Variants in NCOA2 observed in about 807,000 individuals in gnomAD.
The protein encoded by NCOA2 is nuclear receptor coactivator 2.
In NCOA2, 21 loss-of-function variants were observed where a neutral mutation model predicts 145.1. The observed-to-expected ratio is 0.14, with a 90% CI of 0.10 to 0.21. The LOEUF is 0.21. NCOA2 is among the 10% of genes least tolerant of loss of function. The pLI is 1.00. For missense variants in NCOA2, 1,472 were observed against 1,837.6 expected (o/e 0.80, Z 3.64); for synonymous variants, 619 against 637.5 (o/e 0.97, Z 0.44).
chr8:70,343,678 G>C (rs1179801549), intron 1 of NCOA2, among the ~76,000 whole-genome samples: 2 of 151,970 alleles, frequency 1.3e-5, no homozygotes, highest in Non-Finnish European at 2.9e-5. Flanking sequence ...GCCAGGCATG[G>C]TGGCGGGTGC....
At chr8:70,205,234 C>T (rs1250268361) in intron 4 of NCOA2, among the ~76,000 whole-genome samples, 1 of 151,796 alleles carries the variant, frequency 6.6e-6, no homozygotes, top group Non-Finnish European at 1.5e-5. Context: ...TGAGATAGGC[C>T]TTGAAGAATG....
the NCOA2 span, among the ~76,000 whole-genome samples, chr8:70,451,299 T>C: frequency 7.2e-6 from 1 of 138,292 alleles, no homozygotes; most frequent in Admixed American, 7.4e-5. Flanking sequence ...TCCCAGCTAG[T>C]CGGGAGGCTA....
chr8:70,150,503 C>T (rs1207228895), intron 11 of NCOA2, among the ~76,000 whole-genome samples: 1 of 152,144 alleles, frequency 6.6e-6, no homozygotes, highest in Non-Finnish European at 1.5e-5. Context: ...GAACCAAAAC[C>T]CAGCAAAGTC....
chr8:70,116,615 G>A (rs949539012), intron 22 of NCOA2, among the ~76,000 whole-genome samples: 3 of 152,132 alleles, frequency 2.0e-5, no homozygotes, highest in South Asian at 2.1e-4. Context: ...ACGGAAACAC[G>A]GGATGATGAC....
At chr8:70,185,367 T>C (rs562394340) in intron 4 of NCOA2, among the ~76,000 whole-genome samples, 1 of 152,336 alleles carries the variant, frequency 6.6e-6, no homozygotes, top group South Asian at 2.1e-4. Flanking sequence ...TAAAACATTA[T>C]GCTAAATCAT....
At chr8:70,405,437 G>GTTTTTTTTTTTTTTTTTTTT (rs34814735), upstream of NCOA2, among the ~76,000 whole-genome samples, 8 of 59,388 alleles carry the variant, frequency 1.3e-4, 2 homozygotes, top group African/African-American at 3.0e-4. Flanking sequence ...ATTTTTAAAG[G>GTTTTTTTTTTTTTTTTTTTT]TTTTTTTTTT....
the NCOA2 span, among the ~76,000 whole-genome samples, chr8:70,422,531 C>T: frequency 1.3e-5 from 2 of 152,072 alleles, no homozygotes; most frequent in African/African-American, 4.8e-5. Context: ...CCACCTCAGC[C>T]TCCCAAGTAG....
chr8:70,166,341 G>A, intron 7 of NCOA2, among the ~76,000 whole-genome samples: 1 of 152,230 alleles, frequency 6.6e-6, no homozygotes, highest in East Asian at 1.9e-4. Flanking sequence ...GCTAGTGGCT[G>A]CCACACCAGA....
At chr8:70,366,311 AAG>A (rs1810683072) in intron 1 of NCOA2, among the ~76,000 whole-genome samples, 4 of 152,296 alleles carry the variant, frequency 2.6e-5, no homozygotes, top group Admixed American at 2.0e-4. Context: ...CAACTGTTAA[AAG>A]AGGGGGGAAA....
chr8:70,141,463 C>T, intron 13 of NCOA2, 64 bp from the exon 14 acceptor site: 4 of 1,379,698 alleles, frequency 2.9e-6, no homozygotes, highest in Non-Finnish European at 4.1e-6. Context: ...CATGTATGAA[C>T]ACCAGATGAT....
chr8:70,157,635 T>TTA (rs1812435670), intron 10 of NCOA2, among the ~76,000 whole-genome samples: 1 of 152,162 alleles, frequency 6.6e-6, no homozygotes, highest in African/African-American at 2.4e-5. Flanking sequence ...TTTCCAGAGA[T>TTA]TATAATTCCT....
chr8:70,143,203 C>T (rs751867081), intron 13 of NCOA2, among the ~76,000 whole-genome samples: 9 of 152,140 alleles, frequency 5.9e-5, no homozygotes, highest in Non-Finnish European at 1.3e-4. Context: ...CCGCCTTGGC[C>T]TCCCAAAGTG....
chr8:70,128,773 G>A lies in NCOA2; in HGVS notation c.3532C>T (p.Pro1178Ser). The change falls in exon 17 of 23, where the codon CCC becomes TCC. Residue 1178 changes from proline to serine, a missense_variant. Coordinates refer to ENST00000452400, the MANE Select transcript of NCOA2 (RefSeq NM_006540.4). ...LRMQPRPGLR[P>S]TGLVQNQPNQ... Reference sequence around the variant, plus strand: ...GGCTGGTTCTGCACTAGGCCCGTGGGCCTGAGGCCCGGTCTGGGCTGCATA... The same window carrying A: ...GGCTGGTTCTGCACTAGGCCCGTGGACCTGAGGCCCGGTCTGGGCTGCATA... The A allele has an allele frequency of 6.2e-7, 1 of 1,614,064 alleles. No individual in the cohort carries two copies. The highest frequency in any genetic ancestry group is 8.5e-7 in the Non-Finnish European group (1 of 1,179,902).
intron 1 of NCOA2, among the ~76,000 whole-genome samples, chr8:70,320,844 G>GTT (rs1291756300): frequency 6.6e-6 from 1 of 152,126 alleles, no homozygotes; most frequent in African/African-American, 2.4e-5. Context: ...TGTTTTATCA[G>GTT]TATGATTCAC....
intron 1 of NCOA2, among the ~76,000 whole-genome samples, chr8:70,309,806 T>C (rs1828167952): frequency 6.6e-6 from 1 of 151,286 alleles, no homozygotes; most frequent in Non-Finnish European, 1.5e-5. Context: ...AACAAGAAAT[T>C]AGCTGAGTGT....
chr8:70,290,839 G>A (rs2054293), intron 2 of NCOA2, among the ~76,000 whole-genome samples: 10,278 of 151,984 alleles, frequency 0.068, 1,163 homozygotes, highest in African/African-American at 0.24. Flanking sequence ...TAAGGTGTTT[G>A]ATGGAAACAG....
intron 1 of NCOA2, among the ~76,000 whole-genome samples, chr8:70,301,483 C>T (rs1265524508): frequency 1.3e-5 from 2 of 151,204 alleles, no homozygotes; most frequent in East Asian, 1.9e-4. Context: ...GGTAAAACCC[C>T]GTCTCCAAAA....
At position 70,144,751 on chromosome 8, in the gene NCOA2, A is replaced by T. The variant is rs751752020; in HGVS notation, c.2703T>A (p.Pro901=). ...ITLQSPTGAG[P]FPPIRNSSPY... ...GACTACTGTTTCTGATTGGTGGGAAAGGTCCAGCACCAGTTGGGCTTTGCA... is the reference window on the plus strand; with the variant it reads ...GACTACTGTTTCTGATTGGTGGGAATGGTCCAGCACCAGTTGGGCTTTGCA... The change falls in exon 13 of 23, where the codon CCT becomes CCA. Residue 901 remains proline, a synonymous_variant. Transcript: ENST00000452400. 6.2e-7 allele frequency: 1 copy of T among 1,613,962 alleles called. No individual in the cohort carries two copies. The highest frequency in any genetic ancestry group is 8.5e-7 in the Non-Finnish European group (1 of 1,179,860).
chr8:70,272,980 T>C (rs1449051195), intron 2 of NCOA2, among the ~76,000 whole-genome samples: 4 of 152,212 alleles, frequency 2.6e-5, no homozygotes, highest in African/African-American at 9.6e-5. Flanking sequence ...TTATACATTG[T>C]ATGTAGCTAC....
Sources: allele counts gnomAD v4.1 joint callset (sites outside exome capture counted in the v4.1 genomes callset), GRCh38; gene constraint gnomAD v4.1.1; transcripts MANE v1.5; gene names NCBI Gene and HGNC (gene_info 2026-07-23, HGNC 2026-07-21).